The following MAP2 variants were observed in gnomAD, a reference collection of about 807,000 sequenced individuals.
MAP2 encodes microtubule associated protein 2.
A neutral mutation model predicts 137.6 loss-of-function variants in MAP2; 14 were observed. That is an observed-to-expected ratio of 0.10 (90% CI 0.07 to 0.16). MAP2 has a LOEUF of 0.16. MAP2 is among the 10% of genes least tolerant of loss of function. The pLI is 1.00. For missense variants in MAP2, 2,088 were observed against 2,191.5 expected (o/e 0.95, Z 0.94); for synonymous variants, 786 against 782.3 (o/e 1.00, Z -0.08).
intron 3 of MAP2, among the ~76,000 whole-genome samples, chr2:209,584,253 G>A (rs537379309): frequency 7.7e-4 from 117 of 152,080 alleles, no homozygotes; most frequent in African/African-American, 2.6e-3. Flanking sequence ...TTTCTGAGGC[G>A]GAACTTGGGG....
At chr2:209,623,567 C>G (rs1175530045) in intron 3 of MAP2, among the ~76,000 whole-genome samples, 1 of 152,178 alleles carries the variant, frequency 6.6e-6, no homozygotes, top group Non-Finnish European at 1.5e-5. Context: ...AAGACTCTTT[C>G]TATCCAAATA....
rs183960983 is a variant in MAP2, at chr2:209,530,213, G to A, written c.-172+22572G>A. Among the ~76,000 whole-genome samples the A allele has an allele frequency of 8.9e-3, 1,358 of 151,922 alleles. 16 individuals carry two copies. The highest frequency in any genetic ancestry group is 0.032 in the African/African-American group (1,306 of 41,402). On this transcript the variant is annotated intron_variant, in intron 2 of 15. Transcript: ENST00000682079. Reference sequence around the variant, plus strand: ...AGCAGGAGGGAGAAATGCAGAGATGGGCATGACCTCTCCCTTTACACACAT... The same window carrying A: ...AGCAGGAGGGAGAAATGCAGAGATGAGCATGACCTCTCCCTTTACACACAT...
intron 2 of MAP2, among the ~76,000 whole-genome samples, chr2:209,539,021 A>G (rs1007031590): frequency 1.3e-5 from 2 of 152,172 alleles, no homozygotes; most frequent in Non-Finnish European, 2.9e-5. Context: ...TTAGAATGAT[A>G]CACATCTTTT....
At chr2:209,540,630 C>CAAAA (rs749183996) in intron 2 of MAP2, among the ~76,000 whole-genome samples, 1,460 of 27,496 alleles carry the variant, frequency 0.053, 225 homozygotes, top group Non-Finnish European at 0.065. Context: ...GACTCCGTCT[C>CAAAA]AAAAAAAAAA....
At chr2:209,554,132 G>A (rs1559312963) in intron 2 of MAP2, among the ~76,000 whole-genome samples, 2 of 152,194 alleles carry the variant, frequency 1.3e-5, no homozygotes, top group Non-Finnish European at 1.5e-5. Context: ...CTCAGGAGAT[G>A]ACCTTTTAGC....
At chr2:209,543,940 A>T (rs1295792190) in intron 2 of MAP2, among the ~76,000 whole-genome samples, 1 of 152,168 alleles carries the variant, frequency 6.6e-6, no homozygotes, top group Non-Finnish European at 1.5e-5. Context: ...TTAAAAAGGA[A>T]AAAAACAGGC....
chr2:209,687,784 G>C (rs1377121942), intron 7 of MAP2, among the ~76,000 whole-genome samples: 1 of 152,100 alleles, frequency 6.6e-6, no homozygotes. Context: ...TGCCACCAGC[G>C]GGGAGAGGCG....
rs983738395 is a variant in MAP2, at chr2:209,527,932, C to A, written c.-172+20291C>A. On this transcript the variant is annotated intron_variant, in intron 2 of 15. Transcript: ENST00000682079. ...CTTTGTTTTTAACTTTTCAAAATCCCTGTAATTTCTCTGGGCATATTTCTT... is the reference window on the plus strand; with the variant it reads ...CTTTGTTTTTAACTTTTCAAAATCCATGTAATTTCTCTGGGCATATTTCTT... Among the ~76,000 whole-genome samples, 3 of 152,146 alleles carry A rather than the reference C, an allele frequency of 2.0e-5. No homozygotes were observed. The South Asian group carries it at 6.2e-4, about 32-fold the overall frequency.
chr2:209,632,735 G>A (rs556275268), intron 4 of MAP2, among the ~76,000 whole-genome samples: 1 of 152,068 alleles, frequency 6.6e-6, no homozygotes, highest in African/African-American at 2.4e-5. Flanking sequence ...AGAAATCCAA[G>A]AATCTATTGT....
chr2:209,480,515 A>T (rs974608983), intron 1 of MAP2, among the ~76,000 whole-genome samples: 3 of 150,158 alleles, frequency 2.0e-5, no homozygotes, highest in African/African-American at 7.3e-5. Context: ...TTCCTTAGTA[A>T]CTTGCAATTA....
At chr2:209,450,048 T>A (rs1380293539) in intron 1 of MAP2, among the ~76,000 whole-genome samples, 1 of 152,178 alleles carries the variant, frequency 6.6e-6, no homozygotes, top group Non-Finnish European at 1.5e-5. Flanking sequence ...TTCAAGTGAT[T>A]CTCCTGCCTC....
At chr2:209,588,594 G>A (rs1024846486) in intron 3 of MAP2, among the ~76,000 whole-genome samples, 1 of 152,048 alleles carries the variant, frequency 6.6e-6, no homozygotes, top group Non-Finnish European at 1.5e-5. Flanking sequence ...GTGAACAATG[G>A]TTGTACTTAG....
At chr2:209,692,327 T>G (rs1302070944) in intron 7 of MAP2, among the ~76,000 whole-genome samples, 3 of 121,292 alleles carry the variant, frequency 2.5e-5, no homozygotes, top group African/African-American at 8.4e-5. Flanking sequence ...ACATAATGTT[T>G]AGGAGAGACC....
intron 2 of MAP2, among the ~76,000 whole-genome samples, chr2:209,564,556 TAAAAAAAAAAAAA>T (rs757367849): frequency 1.8e-5 from 1 of 55,994 alleles, no homozygotes; most frequent in African/African-American, 6.2e-5. Context: ...CTCTGTGGAG[TAAAAAAAAAAAAA>T]AAAAAAAAAA....
chr2:209,642,453 GA>G (rs1162002077), intron 4 of MAP2, among the ~76,000 whole-genome samples: 1 of 150,014 alleles, frequency 6.7e-6, no homozygotes, highest in Non-Finnish European at 1.5e-5. Context: ...GAAAGAAAAA[GA>G]AGAAAACACA....
chr2:209,704,700 A>C, intron 11 of MAP2: 1 of 1,323,540 alleles, frequency 7.6e-7, no homozygotes. Context: ...AATTCAGGAA[A>C]TGTATGAAAG....
chr2:209,509,260 C>T (rs1174075654), intron 2 of MAP2, among the ~76,000 whole-genome samples: 3 of 151,814 alleles, frequency 2.0e-5, no homozygotes, highest in African/African-American at 4.8e-5. Flanking sequence ...CTAACAGTAA[C>T]GCACAAAAAT....
At chr2:209,599,095 C>T (rs1022307746) in intron 3 of MAP2, among the ~76,000 whole-genome samples, 4 of 152,174 alleles carry the variant, frequency 2.6e-5, no homozygotes, top group African/African-American at 7.2e-5. Context: ...TTCTCCACAT[C>T]CTCTCCAGCA....
At chr2:209,689,911 A>C (rs1212450014) in intron 7 of MAP2, among the ~76,000 whole-genome samples, 1 of 152,116 alleles carries the variant, frequency 6.6e-6, no homozygotes, top group Non-Finnish European at 1.5e-5. Flanking sequence ...GAAAATGTTC[A>C]TTTTCTCCAA....
Sources: gnomAD v4.1 joint callset for allele counts (sites outside exome capture counted in the v4.1 genomes callset) on GRCh38, gnomAD v4.1.1 for gene constraint, MANE v1.5 for transcripts, NCBI Gene and HGNC (gene_info 2026-07-23, HGNC 2026-07-21) for gene names.